NCOR2: variants seen among roughly 807,000 people sequenced by gnomAD.
NCOR2 encodes nuclear receptor corepressor 2.
In NCOR2, 81 loss-of-function variants were observed where a neutral mutation model predicts 262.9. That is an observed-to-expected ratio of 0.31 (90% CI 0.26 to 0.37). The LOEUF (loss-of-function observed/expected upper bound fraction) is 0.37, where lower values mean the gene tolerates loss of function less well. Among genes scored for constraint, NCOR2 ranks in the 10% least tolerant of loss-of-function variants. The pLI is 1.00. For missense variants in NCOR2, 3,385 were observed against 3,621.4 expected, an observed-to-expected ratio of 0.93 and a Z score of 1.68; for synonymous variants, 1,659 against 1,559.3, an observed-to-expected ratio of 1.06 and a Z score of -1.51.
At chr12:124,345,250 T>C (rs1197303307) in intron 31 of NCOR2, among the ~76,000 whole-genome samples, 1 of 152,154 alleles carries the variant, frequency 6.6e-6, no homozygotes, top group African/African-American at 2.4e-5. Flanking sequence ...TGATGGTCCC[T>C]GGAGTTTGCG....
At chr12:124,441,635 C>T (rs368412046) in intron 7 of NCOR2, among the ~76,000 whole-genome samples, 6 of 152,306 alleles carry the variant, frequency 3.9e-5, no homozygotes, top group South Asian at 4.1e-4. Flanking sequence ...AGAATCTCCC[C>T]GCAAGTATGT....
At chr12:124,410,223 C>T (rs908979025) in intron 13 of NCOR2, among the ~76,000 whole-genome samples, 2 of 146,474 alleles carry the variant, frequency 1.4e-5, no homozygotes, top group Admixed American at 7.0e-5. Flanking sequence ...GCCTGGGGAG[C>T]GCTCACATTT....
chr12:124,475,962 C>T (rs2047081493), intron 3 of NCOR2, among the ~76,000 whole-genome samples: 1 of 152,204 alleles, frequency 6.6e-6, no homozygotes, highest in African/African-American at 2.4e-5. Context: ...GCACCCCTTC[C>T]AGGGACCCAG....
chr12:124,335,697 G>T, intron 38 of NCOR2, 65 bp from the exon 41 acceptor site: 1 of 1,524,510 alleles, frequency 6.6e-7, no homozygotes, highest in Admixed American at 2.0e-5. Flanking sequence ...GAGGGGCAGG[G>T]CTGCCCTCCC....
At chr12:124,524,343 G>A (rs921013229) in intron 1 of NCOR2, among the ~76,000 whole-genome samples, 9 of 152,210 alleles carry the variant, frequency 5.9e-5, no homozygotes, top group Admixed American at 4.6e-4. Context: ...CTGTGTCTGA[G>A]TTTGGGACAT....
In NCOR2 at chr12:124,513,595, CTG is replaced by C. The variant is rs1321910336; in HGVS notation, c.-117-18229_-117-18228del. On this transcript the variant is annotated intron_variant, in intron 1 of 46. Coordinates refer to the NCOR2 transcript ENST00000404621. The stretch of plus-strand genomic sequence containing the variant: ...AGTTGGTAATACTGCAGGCCTGCAG[CTG>C]TGTGTCTTTGAGCAAGCTGCCTACC... 3 of 152,350 alleles carry C rather than the reference CTG, an allele frequency of 2.0e-5. No homozygotes were observed. In the East Asian group the frequency reaches 5.8e-4, roughly 29 times the overall value. The allele number at this position is 152,350 out of a possible 1,614,324, so 9.4% of individuals were successfully genotyped here. A position where few individuals can be genotyped will look rare whatever the true frequency, so the allele number is the denominator to read the frequency against.
chr12:124,466,090 A>G, intron 5 of NCOR2, 83 bp downstream of exon 7: 1 of 1,321,120 alleles, frequency 7.6e-7, no homozygotes, highest in East Asian at 2.5e-5. Flanking sequence ...AGATGGAAAC[A>G]CTGAGGCCTG....
At chr12:124,395,600 G>C (rs1429554231) in intron 16 of NCOR2, among the ~76,000 whole-genome samples, 1 of 152,166 alleles carries the variant, frequency 6.6e-6, no homozygotes, top group Non-Finnish European at 1.5e-5. Flanking sequence ...CCGCCGGTGA[G>C]TCATCCCCAG....
intron 20 of NCOR2, among the ~76,000 whole-genome samples, chr12:124,365,270 T>C (rs1290550490): frequency 6.6e-6 from 1 of 152,202 alleles, no homozygotes; most frequent in African/African-American, 2.4e-5. Context: ...GCACAGCCCC[T>C]ACTCTGTGCT....
chr12:124,408,949 C>T (rs577371487), intron 13 of NCOR2, among the ~76,000 whole-genome samples: 5 of 152,232 alleles, frequency 3.3e-5, no homozygotes, highest in East Asian at 3.9e-4. Context: ...TCCAAGTCAG[C>T]GGCAGCACGT....
chr12:124,507,117 G>A (rs1032770819), intron 1 of NCOR2, among the ~76,000 whole-genome samples: 14 of 152,222 alleles, frequency 9.2e-5, no homozygotes, highest in African/African-American at 2.9e-4. Flanking sequence ...AACACTGTGC[G>A]ATTCCACTCG....
intron 3 of NCOR2, among the ~76,000 whole-genome samples, chr12:124,479,910 G>A (rs1427986401): frequency 6.6e-6 from 1 of 152,206 alleles, no homozygotes; most frequent in Non-Finnish European, 1.5e-5. Flanking sequence ...CTACAAAAGG[G>A]GGTCACAGAC....
rs568149920 is a variant in NCOR2, at chr12:124,517,540, T to G, written c.-118+18025A>C. Among the ~76,000 whole-genome samples the G allele has an allele frequency of 1.7e-3, 253 of 152,228 alleles. No homozygotes were observed. Among genetic ancestry groups the G allele is most frequent in the African/African-American group, 5.4e-3 (225 of 41,528 alleles). ...GGGGAGCCGGGCGCCGGGGCCGGGC[T>G]GCAGCGCTGCCTGCACCTGGCTCTC... On this transcript the variant is annotated intron_variant, in intron 1 of 46. Transcript: ENST00000404621. The surrounding 1 kb of genome is among the most constrained non-coding windows in gnomAD (Gnocchi z 7.6).
Position 124,389,462 on chromosome 12 carries a change from G to A in NCOR2, c.1877-3575C>T, listed in dbSNP as rs567227792. 3.3e-5 allele frequency among the ~76,000 whole-genome samples: 5 copies of A among 152,228 alleles called. No individual in the cohort carries two copies. The highest frequency in any genetic ancestry group is 1.9e-4 in the East Asian group (1 of 5,168). ...TCTCCCCATCCGCGGCGGTGGCGGC[G>A]TCAGCAGTGGTAAGAACAGATGAGG... On this transcript the variant is annotated intron_variant, in intron 16 of 46. Transcript: ENST00000405201. The surrounding 1 kb of genome is among the most constrained non-coding windows in gnomAD (Gnocchi z 4.4).
Position 124,432,604 on chromosome 12 carries a change from T to C in NCOR2, c.883-1817A>G, listed in dbSNP as rs2044029468. Among the ~76,000 whole-genome samples, 1 of 152,092 alleles carries C rather than the reference T, an allele frequency of 6.6e-6. No homozygotes were observed. Among genetic ancestry groups the C allele is most frequent in the African/African-American group, 2.4e-5 (1 of 41,398 alleles). On this transcript the variant is annotated intron_variant, in intron 8 of 46. Coordinates refer to ENST00000405201, the Ensembl canonical transcript of NCOR2. The surrounding 1 kb of genome is among the most constrained non-coding windows in gnomAD (Gnocchi z 5.1). ...GTACAACATGCGGGCCCGTCAGCCCTGGGGAGGGGCAGCCGCCAGAGAAAA... is the reference window on the plus strand; with the variant it reads ...GTACAACATGCGGGCCCGTCAGCCCCGGGGAGGGGCAGCCGCCAGAGAAAA...
Position 124,549,196 on chromosome 12 carries a change from G to C in NCOR2, c.-164-13585C>G, listed in dbSNP as rs375624093. On this transcript the variant is annotated intron_variant, in intron 1 of 32. Coordinates refer to the NCOR2 transcript ENST00000458234. This position sits in a 1 kb window ranked among gnomAD's most constrained non-coding sequence, Gnocchi z 4.4. ...GCAATGATGATGGTTGCTGGGTCAC[G>C]AGATCACCGAGAGGATCAGATGAAT... Among the ~76,000 whole-genome samples the C allele has an allele frequency of 8.5e-5, 13 of 152,190 alleles. No individual in the cohort carries two copies. The highest frequency in any genetic ancestry group is 2.4e-4 in the African/African-American group (10 of 41,516).
At position 124,549,504 on chromosome 12, in the gene NCOR2, C is replaced by T. The variant is rs1243207771; in HGVS notation, c.-164-13893G>A. On this transcript the variant is annotated intron_variant, in intron 1 of 32. Coordinates refer to the NCOR2 transcript ENST00000458234. The surrounding 1 kb of genome is among the most constrained non-coding windows in gnomAD (Gnocchi z 4.4). ...GCAGTAGAAACCCCCACCCGCGAGG[C>T]CAGGCACAGAGAAGGTACCAAGGGC... 6.6e-6 allele frequency among the ~76,000 whole-genome samples: 1 copy of T among 152,030 alleles called. No homozygotes were observed. Among genetic ancestry groups the T allele is most frequent in the African/African-American group, 2.4e-5 (1 of 41,366 alleles).
chr12:124,443,245 G>A lies in NCOR2; in HGVS notation c.816-5249C>T, dbSNP rs1052158221. 6.6e-6 allele frequency among the ~76,000 whole-genome samples: 1 copy of A among 152,214 alleles called. No individual in the cohort carries two copies. The highest frequency in any genetic ancestry group is 1.5e-5 in the Non-Finnish European group (1 of 68,040). ...TCGGTGAGCATGAGGCCTCGGGGTG[G>A]TGGTGATGTGCATGCAGCCGTCTGT... On this transcript the variant is annotated intron_variant, in intron 7 of 46. Transcript: ENST00000405201. This position sits in a 1 kb window ranked among gnomAD's most constrained non-coding sequence, Gnocchi z 4.4.
At chr12:124,415,472 G>C (rs987902329) in intron 13 of NCOR2, among the ~76,000 whole-genome samples, 1 of 152,242 alleles carries the variant, frequency 6.6e-6, no homozygotes, top group African/African-American at 2.4e-5. Context: ...GTTAGCACTT[G>C]AGAACCCCTG....
Sources: allele counts gnomAD v4.1 joint callset (sites outside exome capture counted in the v4.1 genomes callset), GRCh38; gene constraint gnomAD v4.1.1; non-coding constraint Gnocchi (gnomAD v3.1); transcripts MANE v1.5; gene names NCBI Gene and HGNC (gene_info 2026-07-23, HGNC 2026-07-21).